The following TNS1 variants were observed in gnomAD, a reference collection of about 807,000 sequenced individuals.
TNS1 encodes the protein tensin 1, also known as tensin-1.
Under a neutral mutation model 168.6 loss-of-function variants are expected in TNS1, and 62 were observed. That is an observed-to-expected ratio of 0.37 (90% CI 0.30 to 0.45). The LOEUF (loss-of-function observed/expected upper bound fraction) is 0.45, where lower values mean the gene tolerates loss of function less well. TNS1 is among the 20% of genes least tolerant of loss of function. The pLI is 1.00. For synonymous variants in TNS1, 934 were observed against 933.2 expected (o/e 1.00, Z -0.02); for missense variants, 2,240 against 2,339.4 (o/e 0.96, Z 0.88).
chr2:218,018,357 G>A (rs1468156425), intron 1 of TNS1, among the ~76,000 whole-genome samples: 1 of 152,212 alleles, frequency 6.6e-6, no homozygotes, highest in East Asian at 1.9e-4. Flanking sequence ...CCATGACACA[G>A]CATAAAATCT....
intron 19 of TNS1, among the ~76,000 whole-genome samples, chr2:217,846,567 C>T (rs1946673550): frequency 6.6e-6 from 1 of 152,210 alleles, no homozygotes; most frequent in African/African-American, 2.4e-5. Context: ...CCCAAATCCA[C>T]AGTCTCTGGT....
At chr2:217,882,784 G>A (rs759793788) in intron 16 of TNS1, among the ~76,000 whole-genome samples, 2 of 151,344 alleles carry the variant, frequency 1.3e-5, no homozygotes, top group South Asian at 2.1e-4. Flanking sequence ...TCGCTCTGTC[G>A]CCCAGCCTGG....
rs1937299417 is a variant in TNS1, at chr2:217,800,378, A to C, written c.*4081T>G. 6.6e-6 allele frequency: 1 copy of C among 152,120 alleles called. No individual in the cohort carries two copies. The highest frequency in any genetic ancestry group is 6.5e-5 in the Admixed American group (1 of 15,270). 9.4% of individuals were successfully genotyped at this position (152,120 alleles called of 1,614,324 possible). The stretch of plus-strand genomic sequence containing the variant: ...CCCACCCTGCCCCTCTGGGTGAACC[A>C]CTTCTCACCTGGGCTATCGCTGAGA... On this transcript the variant is annotated 3_prime_UTR_variant, in exon 33 of 33. Transcript: ENST00000682258.
intron 1 of TNS1, among the ~76,000 whole-genome samples, chr2:218,023,199 T>C (rs1378796397): frequency 2.0e-5 from 3 of 152,162 alleles, no homozygotes; most frequent in African/African-American, 7.2e-5. Context: ...GGGCCTGTGC[T>C]TCTCAGCAGA....
At chr2:217,837,952 C>T (rs544587986) in intron 19 of TNS1, among the ~76,000 whole-genome samples, 7 of 152,362 alleles carry the variant, frequency 4.6e-5, no homozygotes, top group Middle Eastern at 6.8e-3. Flanking sequence ...ACTCAGGTCT[C>T]CTGGGCAGCT....
At chr2:217,905,273 C>A in intron 6 of TNS1, 2 of 346,042 alleles carry the variant, frequency 5.8e-6, no homozygotes, top group South Asian at 2.1e-5. Context: ...GAGTACCCCA[C>A]GCCCAGGGGA....
intron 20 of TNS1, 80 bp from the exon 21 acceptor site, chr2:217,835,246 G>T: frequency 1.5e-6 from 2 of 1,371,152 alleles, no homozygotes; most frequent in Non-Finnish European, 1.0e-6. Flanking sequence ...GAGGTATGAG[G>T]ACAGTGAGTT....
intron 3 of TNS1, among the ~76,000 whole-genome samples, chr2:217,939,668 G>GC (rs1442453193): frequency 6.6e-6 from 1 of 152,126 alleles, no homozygotes; most frequent in Non-Finnish European, 1.5e-5. Context: ...AGCTCCCCAG[G>GC]CCCCCGCCTT....
intron 3 of TNS1, among the ~76,000 whole-genome samples, chr2:217,942,195 A>C (rs1333485125): frequency 6.6e-6 from 1 of 152,178 alleles, no homozygotes; most frequent in Non-Finnish European, 1.5e-5. Context: ...GGCGCCTGGA[A>C]GCAGAGGGTC....
chr2:217,814,787 A>C, intron 25 of TNS1, 125 bp downstream of exon 25: 2 of 715,796 alleles, frequency 2.8e-6, no homozygotes, highest in South Asian at 1.8e-5. Context: ...CTTCAACCCC[A>C]GCCCCCTCTG....
intron 3 of TNS1, among the ~76,000 whole-genome samples, chr2:217,966,799 C>T (rs1360513922): frequency 6.6e-6 from 1 of 152,156 alleles, no homozygotes; most frequent in Non-Finnish European, 1.5e-5. Context: ...GAGTGTGGAA[C>T]ACGAAAGGTC....
chr2:217,804,426 C>T lies in TNS1; in HGVS notation c.*33G>A, dbSNP rs1390840926. 6.2e-7 allele frequency: 1 copy of T among 1,612,984 alleles called. No individual in the cohort carries two copies. ...GGGTCCCCTCCCCACAAGCCCCTTCCCCATGGCACTGGCCCTGGGCAAGGG... is the reference window on the plus strand; with the variant it reads ...GGGTCCCCTCCCCACAAGCCCCTTCTCCATGGCACTGGCCCTGGGCAAGGG... On this transcript the variant is annotated 3_prime_UTR_variant, in exon 33 of 33. Transcript: ENST00000682258.
At chr2:217,990,322 C>T (rs551974510) in intron 2 of TNS1, among the ~76,000 whole-genome samples, 10 of 147,174 alleles carry the variant, frequency 6.8e-5, no homozygotes, top group African/African-American at 1.2e-4. Context: ...ACCCTGACCA[C>T]GACCTCCACA....
At chr2:217,963,047 T>C (rs1462964036) in intron 3 of TNS1, among the ~76,000 whole-genome samples, 1 of 152,226 alleles carries the variant, frequency 6.6e-6, no homozygotes, top group Non-Finnish European at 1.5e-5. Context: ...GTAAGTTTAA[T>C]CATCTCAGAA....
chr2:218,007,571 G>GGGA (rs1958670295), upstream of TNS1, among the ~76,000 whole-genome samples: 1 of 128,286 alleles, frequency 7.8e-6, no homozygotes, highest in African/African-American at 2.8e-5. Context: ...GGGGGTGGGG[G>GGGA]GGGGGGTTCA....
At chr2:217,825,333 A>G (rs1398293136) in intron 22 of TNS1, among the ~76,000 whole-genome samples, 1 of 151,872 alleles carries the variant, frequency 6.6e-6, no homozygotes, top group Non-Finnish European at 1.5e-5. Context: ...CTCTAGCCAC[A>G]CTCCAGTCAG....
chr2:217,970,000 TA>T (rs956079522), intron 3 of TNS1, among the ~76,000 whole-genome samples: 361 of 144,990 alleles, frequency 2.5e-3, no homozygotes, highest in African/African-American at 6.4e-3. Flanking sequence ...CAGTTCCTGA[TA>T]AAAAAAAAAA....
At chr2:217,968,000 T>C (rs975057775) in intron 3 of TNS1, among the ~76,000 whole-genome samples, 1 of 152,122 alleles carries the variant, frequency 6.6e-6, no homozygotes, top group Non-Finnish European at 1.5e-5. Flanking sequence ...TTTTAACAAC[T>C]GAAAATCAAT....
chr2:217,899,172 G>A (rs1952656823), intron 7 of TNS1, among the ~76,000 whole-genome samples: 1 of 152,190 alleles, frequency 6.6e-6, no homozygotes, highest in Non-Finnish European at 1.5e-5. Flanking sequence ...AGTCCAGGTG[G>A]GGTGTGGAGA....
Sources: gnomAD v4.1 joint callset for allele counts (sites outside exome capture counted in the v4.1 genomes callset) on GRCh38, gnomAD v4.1.1 for gene constraint, MANE v1.5 for transcripts, NCBI Gene and HGNC (gene_info 2026-07-23, HGNC 2026-07-21) for gene names.